FUT4: variants seen among roughly 807,000 people sequenced by gnomAD.
FUT4 encodes the protein alpha-(1,3)-fucosyltransferase 4.
Under a neutral mutation model 3.8 loss-of-function variants are expected in FUT4, and 1 was observed. The ratio of observed to expected loss-of-function variants is 0.26; its 90% CI spans 0.09 to 1.25. The LOEUF (loss-of-function observed/expected upper bound fraction) is 1.25. FUT4 is among the 50% of genes most tolerant of loss of function. The probability of loss-of-function intolerance (pLI) is 0.47; values close to 1 mark genes in which losing one functional copy is unlikely to be tolerated. For synonymous variants in FUT4, 417 were observed against 355.3 expected (o/e 1.17, Z -1.95); for missense variants, 880 against 768.2 (o/e 1.15, Z -1.72).
At position 94,547,404 on chromosome 11, in the gene FUT4, G is replaced by C. The variant is rs912582362; in HGVS notation, c.*1678G>C. 1 of 166,954 alleles carries C rather than the reference G, an allele frequency of 6.0e-6. No individual in the cohort carries two copies. The highest frequency in any genetic ancestry group is 2.4e-5 in the African/African-American group (1 of 41,438). 10.3% of individuals were successfully genotyped at this position (166,954 alleles called of 1,614,324 possible). A position where few individuals can be genotyped will look rare whatever the true frequency, so the allele number is the denominator to read the frequency against. The stretch of plus-strand genomic sequence containing the variant: ...GACTAATTATTGTGGGTAGGGTCAA[G>C]ATTAACTAGTTTTATACAGAGTTCT... On this transcript the variant is annotated 3_prime_UTR_variant, in exon 1 of 1. Transcript: ENST00000358752.
rs941478113 is a variant in FUT4 at position 94,546,997 on chromosome 11, A to C, written c.*1271A>C. 6.0e-6 allele frequency: 1 copy of C among 167,236 alleles called. No homozygotes were observed. The highest frequency in any genetic ancestry group is 2.1e-4 in the South Asian group (1 of 4,830). 10.4% of individuals were successfully genotyped at this position (167,236 alleles called of 1,614,324 possible). Reference sequence around the variant, plus strand: ...AGCAGGTTCCCCTCACAGTCAATGCAGTGGTATAGCATATCCTCACATTTC... The same window carrying C: ...AGCAGGTTCCCCTCACAGTCAATGCCGTGGTATAGCATATCCTCACATTTC... On this transcript the variant is annotated 3_prime_UTR_variant, in exon 1 of 1. Transcript: ENST00000358752.
chr11:94,544,630 T>C lies in FUT4; in HGVS notation c.497T>C (p.Leu166Pro). Residue 166 changes from leucine to proline, a missense_variant, in exon 1 of 1, where the codon CTG (leucine) becomes CCG (proline). Transcript: ENST00000358752. ...GCCGCCGGCTTGACGTGTACGGCGC[T>C]GATCACCTACGCTTGCTGGGGGCAG... ...LAAAGLTCTA[L>P]ITYACWGQLP... 6.6e-7 allele frequency: 1 copy of C among 1,506,592 alleles called. No individual in the cohort carries two copies. Among genetic ancestry groups the C allele is most frequent in the African/African-American group, 1.4e-5 (1 of 70,386 alleles). The allele number at this position is 1,506,592 out of a possible 1,614,324, so 93.3% of individuals were successfully genotyped here. A position where few individuals can be genotyped will look rare whatever the true frequency, so the allele number is the denominator to read the frequency against.
In FUT4 at chr11:94,546,006, G is replaced by T; in HGVS notation, c.*280G>T. On this transcript the variant is annotated 3_prime_UTR_variant, in exon 1 of 1. Transcript: ENST00000358752. ...GGGGTTCTTCCTCACCTTGTAACCA[G>T]TGCAGAAATGAAATAGCTTAGCGGC... 1.8e-6 allele frequency: 1 copy of T among 547,308 alleles called. No individual in the cohort carries two copies. Among genetic ancestry groups the T allele is most frequent in the Non-Finnish European group, 3.4e-6 (1 of 291,534 alleles). 33.9% of individuals were successfully genotyped at this position (547,308 alleles called of 1,614,324 possible).
chr11:94,544,566 C>A lies in FUT4; in HGVS notation c.433C>A (p.Arg145=). ...AAAGGRRGWR[R]GRGLPWTVCV... is the part of the protein sequence containing the mutation. The stretch of plus-strand genomic sequence containing the variant: ...GGCGGGCGGGCGGCGCGGGTGGCGC[C>A]GAGGCCGGGGGCTGCCATGGACCGT... Residue 145 remains arginine (R), a synonymous_variant, in exon 1 of 1, where the codon CGA becomes AGA. Transcript: ENST00000358752. 1 of 1,295,670 alleles carries A rather than the reference C, an allele frequency of 7.7e-7. No homozygotes were observed. Among genetic ancestry groups the A allele is most frequent in the East Asian group, 3.1e-5 (1 of 32,230 alleles). 80.3% of individuals were successfully genotyped at this position (1,295,670 alleles called of 1,614,324 possible).
rs1408636111 is a variant in FUT4, at chr11:94,547,528, C to T, written c.*1802C>T. 1 of 166,904 alleles carries T rather than the reference C, an allele frequency of 6.0e-6. No homozygotes were observed. The highest frequency in any genetic ancestry group is 1.5e-5 in the Non-Finnish European group (1 of 68,126). The allele number at this position is 166,904 out of a possible 1,614,324, so 10.3% of individuals were successfully genotyped here. On this transcript the variant is annotated 3_prime_UTR_variant, in exon 1 of 1. Coordinates refer to ENST00000358752, the MANE Select transcript of FUT4 (RefSeq NM_002033.4). ...TGTTTTTGCAGACATACTTGAAAAG[C>T]TCACTTAAATCTAGGTGCTTCAATT...
chr11:94,544,423 A>T lies in FUT4; in HGVS notation c.290A>T (p.Glu97Val), dbSNP rs753456669. Residue 97 changes from glutamate to valine, a missense_variant, in exon 1 of 1, where the codon GAG becomes GTG. This residue lies in a region of FUT4 where 447 missense variants were observed against 339.5 expected (regional missense o/e 1.32). Transcript: ENST00000358752. ...AGCGGCGAGCGGCAGCGACGGCTGG[A>T]GCCGCAGCTACAGCATGAGAGCCGG... is the stretch of plus-strand genomic sequence containing the variant. ...RASGERQRRL[E>V]PQLQHESRCR... The T allele has an allele frequency of 4.6e-6, 7 of 1,524,844 alleles. No homozygotes were observed. The East Asian group carries it at 1.8e-4, about 39-fold the overall frequency. 94.5% of individuals were successfully genotyped at this position (1,524,844 alleles called of 1,614,324 possible).
rs1947833673 is a variant in FUT4, at chr11:94,544,445, C to T, written c.312C>T (p.Ser104=). The part of the protein sequence containing the change: ...RRLEPQLQHE[S]RCRSSTPADA... ...TGGAGCCGCAGCTACAGCATGAGAGCCGGTGCCGCTCCTCCACGCCTGCGG... is the reference window on the plus strand; with the variant it reads ...TGGAGCCGCAGCTACAGCATGAGAGTCGGTGCCGCTCCTCCACGCCTGCGG... The change falls in exon 1 of 1, where the codon AGC becomes AGT. Residue 104 remains serine (S), a synonymous_variant. Transcript: ENST00000358752. 1 of 1,512,014 alleles carries T rather than the reference C, an allele frequency of 6.6e-7. No individual in the cohort carries two copies. The highest frequency in any genetic ancestry group is 2.7e-5 in the East Asian group (1 of 37,108). The allele number at this position is 1,512,014 out of a possible 1,614,324, so 93.7% of individuals were successfully genotyped here.
At position 94,545,441 on chromosome 11, in the gene FUT4, G is replaced by T; in HGVS notation, c.1308G>T (p.Val436=). The change falls in exon 1 of 1, where the codon GTG becomes GTT. Residue 436 remains valine, a synonymous_variant. Transcript: ENST00000358752. ...GCAACGCGTTGCTCGCTGGGGCGGT[G>T]CCGGTGGTGCTGGGCCCAGACCGTG... ...LWRNALLAGA[V]PVVLGPDRAN... The T allele has an allele frequency of 6.2e-7, 1 of 1,613,188 alleles. No homozygotes were observed.
chr11:94,544,208 G>A lies in FUT4; in HGVS notation c.75G>A (p.Gln25=), dbSNP rs1947827949. 1 of 1,431,298 alleles carries A rather than the reference G, an allele frequency of 7.0e-7. No homozygotes were observed. The allele number at this position is 1,431,298 out of a possible 1,614,324, so 88.7% of individuals were successfully genotyped here. Residue 25 remains glutamine, a synonymous_variant, in exon 1 of 1, where the codon CAG becomes CAA. Transcript: ENST00000358752. ...AGAAGGAGTGGGCGGAGGCGCCGCA[G>A]GAGGCTCCCGGGGCCTGGTCGGGCC... ...GWEKEWAEAP[Q]EAPGAWSGRL... is the part of the protein sequence containing the mutation.
rs765618978 is a variant in FUT4, at chr11:94,545,651, G to A, written c.1518G>A (p.Arg506=). 7 of 1,612,816 alleles carry A rather than the reference G, an allele frequency of 4.3e-6. No individual in the cohort carries two copies. Among genetic ancestry groups the A allele is most frequent in the Non-Finnish European group, 5.9e-6 (7 of 1,180,034 alleles). ...ITSFWDEPWC[R]VCQAVQRAGD... ...CCTTCTGGGACGAGCCTTGGTGCCGGGTGTGCCAGGCTGTACAGAGGGCTG... is the reference window on the plus strand; with the variant it reads ...CCTTCTGGGACGAGCCTTGGTGCCGAGTGTGCCAGGCTGTACAGAGGGCTG... The change falls in exon 1 of 1, where the codon CGG becomes CGA. Residue 506 remains arginine, a synonymous_variant. Transcript: ENST00000358752.
At position 94,549,621 on chromosome 11, in the gene FUT4, G is replaced by A. The variant is rs1211995359; in HGVS notation, c.*3895G>A. 6.0e-6 allele frequency: 1 copy of A among 166,718 alleles called. No homozygotes were observed. Among genetic ancestry groups the A allele is most frequent in the Non-Finnish European group, 1.5e-5 (1 of 68,068 alleles). The allele number at this position is 166,718 out of a possible 1,614,324, so 10.3% of individuals were successfully genotyped here. A position where few individuals can be genotyped will look rare whatever the true frequency, so the allele number is the denominator to read the frequency against. Reference sequence around the variant, plus strand: ...AACTGGCAGAAAACCAGGAATCAGAGAAAGAAAATATAATTTAACTTTAAA... The same window carrying A: ...AACTGGCAGAAAACCAGGAATCAGAAAAAGAAAATATAATTTAACTTTAAA... On this transcript the variant is annotated 3_prime_UTR_variant, in exon 1 of 1. Coordinates refer to ENST00000358752, the MANE Select transcript of FUT4 (RefSeq NM_002033.4).
chr11:94,544,835 C>T lies in FUT4; in HGVS notation c.702C>T (p.Ala234=). The change falls in exon 1 of 1, where the codon GCC becomes GCT. Residue 234 remains alanine (A), a synonymous_variant. Transcript: ENST00000358752. ...TDRASYGEAQ[A]VLFHHRDLVK... is the part of the protein sequence containing the mutation. ...GCGCGTCCTACGGAGAGGCTCAGGC[C>T]GTGCTTTTCCACCACCGCGACCTCG... The T allele has an allele frequency of 6.2e-7, 1 of 1,604,560 alleles. No individual in the cohort carries two copies. Among genetic ancestry groups the T allele is most frequent in the Admixed American group, 1.7e-5 (1 of 59,970 alleles).
At position 94,546,097 on chromosome 11, in the gene FUT4, A is replaced by C. The variant is rs1591757674; in HGVS notation, c.*371A>C. The C allele has an allele frequency of 2.6e-6, 1 of 382,480 alleles. No homozygotes were observed. Among genetic ancestry groups the C allele is most frequent in the Non-Finnish European group, 5.3e-6 (1 of 189,300 alleles). The allele number at this position is 382,480 out of a possible 1,614,324, so 23.7% of individuals were successfully genotyped here. On this transcript the variant is annotated 3_prime_UTR_variant, in exon 1 of 1. Coordinates refer to ENST00000358752, the MANE Select transcript of FUT4 (RefSeq NM_002033.4). ...CACAGGCCATATTTGTGGCCCGTGC[A>C]GCTTCCAAATCTCATACACAACTGT...
rs1947903842 is a variant in FUT4, at chr11:94,549,639, A to G, written c.*3913A>G. The stretch of plus-strand genomic sequence containing the variant: ...AATCAGAGAAAGAAAATATAATTTA[A>G]CTTTAAAGATGTAAATTATATATAT... On this transcript the variant is annotated 3_prime_UTR_variant, in exon 1 of 1. Coordinates refer to ENST00000358752, the MANE Select transcript of FUT4 (RefSeq NM_002033.4). 6.0e-6 allele frequency: 1 copy of G among 166,614 alleles called. No individual in the cohort carries two copies. The highest frequency in any genetic ancestry group is 2.1e-4 in the South Asian group (1 of 4,838). 10.3% of individuals were successfully genotyped at this position (166,614 alleles called of 1,614,324 possible). A position where few individuals can be genotyped will look rare whatever the true frequency, so the allele number is the denominator to read the frequency against.
rs575691176 is a variant in FUT4 at position 94,544,889 on chromosome 11, C to G, written c.756C>G (p.Pro252=). 6 of 1,609,472 alleles carry G rather than the reference C, an allele frequency of 3.7e-6. No individual in the cohort carries two copies. The South Asian group carries it at 6.6e-5, about 18-fold the overall frequency. Residue 252 remains proline, a synonymous_variant, in exon 1 of 1, where the codon CCC becomes CCG. Coordinates refer to ENST00000358752, the MANE Select transcript of FUT4 (RefSeq NM_002033.4). The stretch of plus-strand genomic sequence containing the variant: ...AGGGGCCCCCCGACTGGCCCCCGCC[C>G]TGGGGCATCCAGGCGCACACTGCCG... ...LVKGPPDWPP[P]WGIQAHTAEE... is the part of the protein sequence containing the mutation.
In FUT4 at chr11:94,546,033, A is replaced by G. The variant is rs1324107824; in HGVS notation, c.*307A>G. The stretch of plus-strand genomic sequence containing the variant: ...GCAGAAATGAAATAGCTTAGCGGCA[A>G]GAAGCCGTTGAGGCGGTTTCCTGAA... On this transcript the variant is annotated 3_prime_UTR_variant, in exon 1 of 1. Coordinates refer to ENST00000358752, the MANE Select transcript of FUT4 (RefSeq NM_002033.4). The G allele has an allele frequency of 6.4e-6, 3 of 470,966 alleles. No homozygotes were observed. The East Asian group carries it at 1.4e-4, about 22-fold the overall frequency. 29.2% of individuals were successfully genotyped at this position (470,966 alleles called of 1,614,324 possible). A position where few individuals can be genotyped will look rare whatever the true frequency, so the allele number is the denominator to read the frequency against.
In FUT4 at chr11:94,544,052, C is replaced by T; in HGVS notation, c.-82C>T. ...GCCTTCCCTCTGGAAGGCGAGGGTT[C>T]GGGCCACAGTGAGCGAGGGCCAGGG... On this transcript the variant is annotated 5_prime_UTR_variant, in exon 1 of 1. Transcript: ENST00000358752. 7.5e-7 allele frequency: 1 copy of T among 1,342,274 alleles called. No individual in the cohort carries two copies. The highest frequency in any genetic ancestry group is 3.1e-5 in the East Asian group (1 of 32,062). The allele number at this position is 1,342,274 out of a possible 1,614,324, so 83.1% of individuals were successfully genotyped here.
Position 94,546,086 on chromosome 11 carries a change from G to A in FUT4, c.*360G>A, listed in dbSNP as rs1591757661. 4 of 390,902 alleles carry A rather than the reference G, an allele frequency of 1.0e-5. No individual in the cohort carries two copies. Among genetic ancestry groups the A allele is most frequent in the South Asian group, 6.4e-5 (3 of 46,854 alleles). 24.2% of individuals were successfully genotyped at this position (390,902 alleles called of 1,614,324 possible). A position where few individuals can be genotyped will look rare whatever the true frequency, so the allele number is the denominator to read the frequency against. ...TCCCCATCTGCCACAGGCCATATTT[G>A]TGGCCCGTGCAGCTTCCAAATCTCA... On this transcript the variant is annotated 3_prime_UTR_variant, in exon 1 of 1. Transcript: ENST00000358752.
Position 94,546,520 on chromosome 11 carries a change from A to G in FUT4, c.*794A>G, listed in dbSNP as rs1947863542. 1 of 167,110 alleles carries G rather than the reference A, an allele frequency of 6.0e-6. No homozygotes were observed. The highest frequency in any genetic ancestry group is 2.4e-5 in the African/African-American group (1 of 41,462). The allele number at this position is 167,110 out of a possible 1,614,324, so 10.4% of individuals were successfully genotyped here. A position where few individuals can be genotyped will look rare whatever the true frequency, so the allele number is the denominator to read the frequency against. On this transcript the variant is annotated 3_prime_UTR_variant, in exon 1 of 1. Transcript: ENST00000358752. ...TTATCCCTTTACAATGTGAATAGTCATCTCCTAATTTGTTTCTTCTGTCTT... is the reference window on the plus strand; with the variant it reads ...TTATCCCTTTACAATGTGAATAGTCGTCTCCTAATTTGTTTCTTCTGTCTT...
Sources: gnomAD v4.1 joint callset for allele counts on GRCh38, gnomAD v4.1.1 for gene constraint, gnomAD v4.1.1 regional missense constraint, MANE v1.5 for transcripts, NCBI Gene and HGNC (gene_info 2026-07-23, HGNC 2026-07-21) for gene names.